The following TSPAN9 variants were observed in gnomAD, a reference collection of about 807,000 sequenced individuals.
TSPAN9 encodes the protein tetraspanin-9.
A neutral mutation model predicts 31.0 loss-of-function variants in TSPAN9; 16 were observed. That is an observed-to-expected ratio of 0.52 (90% CI 0.35 to 0.78). TSPAN9 has a LOEUF of 0.78. Among genes scored for constraint, TSPAN9 ranks in the 30% least tolerant of loss-of-function variants. The pLI is 0.01. For synonymous variants in TSPAN9, 145 were observed against 121.6 expected, an observed-to-expected ratio of 1.19 and a Z score of -1.27; for missense variants, 272 against 312.5, an observed-to-expected ratio of 0.87 and a Z score of 0.98.
intron 3 of TSPAN9, among the ~76,000 whole-genome samples, chr12:3,239,214 C>T (rs1027058233): frequency 6.6e-5 from 10 of 151,408 alleles, no homozygotes; most frequent in African/African-American, 2.2e-4. Context: ...TAGAGGGGTG[C>T]CTGGTGGGTA....
rs1427132469 is a variant in TSPAN9 at position 3,145,213 on chromosome 12, G to C, written c.-17-55964G>C. On this transcript the variant is annotated intron_variant, in intron 2 of 8. Coordinates refer to ENST00000011898, the MANE Select transcript of TSPAN9 (RefSeq NM_006675.5). ...AGGCCCTCCGGTCAGGACCGCGACT[G>C]CCCTTGCATTCACCTCTAGACTCTT... Among the ~76,000 whole-genome samples the C allele has an allele frequency of 3.9e-5, 6 of 152,286 alleles. No homozygotes were observed. In the East Asian group the frequency reaches 9.7e-4, roughly 25 times the overall value.
At chr12:3,232,896 G>A (rs1222522634) in intron 3 of TSPAN9, among the ~76,000 whole-genome samples, 1 of 152,212 alleles carries the variant, frequency 6.6e-6, no homozygotes, top group Non-Finnish European at 1.5e-5. Flanking sequence ...GCTGGGCCTG[G>A]ATCTGTTTTT....
chr12:3,089,496 C>G (rs907552602), intron 2 of TSPAN9, among the ~76,000 whole-genome samples: 1 of 151,674 alleles, frequency 6.6e-6, no homozygotes, highest in Admixed American at 6.6e-5. Context: ...GGGGTTTTAC[C>G]GTGTTGGCCA....
intron 2 of TSPAN9, among the ~76,000 whole-genome samples, chr12:3,120,627 C>T (rs2098324610): frequency 1.3e-5 from 2 of 152,236 alleles, no homozygotes; most frequent in Admixed American, 1.3e-4. Flanking sequence ...CCCAGCGTTT[C>T]CTTTCCACTA....
intron 5 of TSPAN9, 74 bp downstream of exon 5, chr12:3,279,140 C>A: frequency 7.5e-7 from 1 of 1,340,516 alleles, no homozygotes; most frequent in South Asian, 1.2e-5. Context: ...GGCCAGGGTC[C>A]CTTCCCTGGC....
intron 2 of TSPAN9, among the ~76,000 whole-genome samples, chr12:3,148,549 C>T (rs567163837): frequency 3.0e-4 from 45 of 152,174 alleles, no homozygotes; most frequent in Non-Finnish European, 5.6e-4. Context: ...GGAGCGTGGC[C>T]GTGGTTGTGT....
chr12:3,131,686 C>A (rs935248749), intron 2 of TSPAN9, among the ~76,000 whole-genome samples: 3 of 152,188 alleles, frequency 2.0e-5, no homozygotes, highest in Admixed American at 6.5e-5. Context: ...CTTGGACCCT[C>A]GTCGGATAGG....
intron 2 of TSPAN9, among the ~76,000 whole-genome samples, chr12:3,145,714 G>A (rs1182427274): frequency 2.0e-5 from 3 of 152,224 alleles, no homozygotes; most frequent in Non-Finnish European, 4.4e-5. Context: ...CCAGATGGCT[G>A]GGGGAAGGCG....
At chr12:3,089,202 A>G (rs567993125) in intron 2 of TSPAN9, among the ~76,000 whole-genome samples, 137 of 148,900 alleles carry the variant, frequency 9.2e-4, no homozygotes, top group Non-Finnish European at 1.7e-3. Flanking sequence ...ACTGCACTCC[A>G]GCCTGGGTGA....
chr12:3,134,020 C>A (rs868034455), intron 2 of TSPAN9, among the ~76,000 whole-genome samples: 3 of 152,190 alleles, frequency 2.0e-5, no homozygotes, highest in Non-Finnish European at 4.4e-5. Flanking sequence ...ATTCTTGGAA[C>A]AGCCCCTTAG....
At chr12:3,195,395 C>G (rs575258057) in intron 2 of TSPAN9, among the ~76,000 whole-genome samples, 36 of 152,210 alleles carry the variant, frequency 2.4e-4, no homozygotes, top group Non-Finnish European at 4.6e-4. Flanking sequence ...TTCTTCCCCT[C>G]TGAGAATGCT....
intron 8 of TSPAN9, chr12:3,282,028 G>A (rs1293143667): frequency 4.1e-6 from 3 of 724,538 alleles, no homozygotes; most frequent in South Asian, 1.5e-5. Context: ...TGGTGCTCAG[G>A]GCTGCCTGTG....
rs189238702 is a variant in TSPAN9 at position 3,207,641 on chromosome 12, C to T, written c.63+6385C>T. Among the ~76,000 whole-genome samples, 354 of 152,316 alleles carry T rather than the reference C, an allele frequency of 2.3e-3. 1 individual carries two copies. Among genetic ancestry groups the T allele is most frequent in the Non-Finnish European group, 3.4e-3 (229 of 68,026 alleles). ...GGTGGGGTCTACCTCCTCTCCTGTG[C>T]GCCCCAGCAAACTTTGAGGCTCCCG... On this transcript the variant is annotated intron_variant, in intron 3 of 8. Coordinates refer to ENST00000011898, the MANE Select transcript of TSPAN9 (RefSeq NM_006675.5).
intron 3 of TSPAN9, among the ~76,000 whole-genome samples, chr12:3,246,856 T>G (rs539987426): frequency 2.4e-4 from 37 of 152,302 alleles, no homozygotes; most frequent in Non-Finnish European, 4.9e-4. Flanking sequence ...CATCTCTGCT[T>G]TGTAGCCTCA....
intron 3 of TSPAN9, among the ~76,000 whole-genome samples, chr12:3,210,207 C>T (rs2098377878): frequency 6.6e-6 from 1 of 151,928 alleles, no homozygotes; most frequent in Non-Finnish European, 1.5e-5. Context: ...GAGCACTGCT[C>T]TGGGTATATA....
intron 3 of TSPAN9, among the ~76,000 whole-genome samples, chr12:3,204,480 G>A (rs1055222536): frequency 1.3e-5 from 2 of 152,158 alleles, no homozygotes; most frequent in African/African-American, 4.8e-5. Flanking sequence ...CTAAGAAAAG[G>A]GCAGGTGCCT....
At chr12:3,203,239 C>T (rs1009137416) in intron 3 of TSPAN9, among the ~76,000 whole-genome samples, 3 of 152,046 alleles carry the variant, frequency 2.0e-5, no homozygotes, top group Non-Finnish European at 4.4e-5. Flanking sequence ...TTGGTGACCT[C>T]CTCACTGGCT....
intron 2 of TSPAN9, among the ~76,000 whole-genome samples, chr12:3,119,927 C>G (rs2109204): frequency 0.75 from 114,493 of 152,060 alleles, 43,236 homozygotes; most frequent in Admixed American, 0.83. Context: ...TGTTGCTCCA[C>G]ATGGGCTGGC....
rs556813023 is a variant in TSPAN9, at chr12:3,250,035, T to C, written c.64-28386T>C. Among the ~76,000 whole-genome samples, 4 of 152,278 alleles carry C rather than the reference T, an allele frequency of 2.6e-5. No individual in the cohort carries two copies. In the South Asian group the frequency reaches 6.2e-4, roughly 24 times the overall value. ...ATAAATTAGGACTACCCATGCTGGG[T>C]CAGCAGTCCACCCATCGGGCATGGA... On this transcript the variant is annotated intron_variant, in intron 3 of 8. Coordinates refer to ENST00000011898, the MANE Select transcript of TSPAN9 (RefSeq NM_006675.5).
Sources: gnomAD v4.1 joint callset for allele counts (sites outside exome capture counted in the v4.1 genomes callset) on GRCh38, gnomAD v4.1.1 for gene constraint, MANE v1.5 for transcripts, NCBI Gene and HGNC (gene_info 2026-07-23, HGNC 2026-07-21) for gene names.